The following IL2RB variants were observed in gnomAD, a reference collection of about 807,000 sequenced individuals.
IL2RB encodes interleukin-2 receptor subunit beta.
In IL2RB, 17 loss-of-function variants were observed where a neutral mutation model predicts 44.2. The observed-to-expected ratio is 0.38, with a 90% CI of 0.26 to 0.58. The LOEUF (loss-of-function observed/expected upper bound fraction) is 0.58, where lower values mean the gene tolerates loss of function less well. Among genes scored for constraint, IL2RB ranks in the 20% least tolerant of loss-of-function variants. IL2RB has a pLI of 0.63. For synonymous variants in IL2RB, 286 were observed against 297.9 expected (o/e 0.96, Z 0.41); for missense variants, 624 against 685.5 (o/e 0.91, Z 1.00).
intron 8 of IL2RB, among the ~76,000 whole-genome samples, chr22:37,134,937 C>T (rs772940927): frequency 6.6e-6 from 1 of 152,148 alleles, no homozygotes; most frequent in Non-Finnish European, 1.5e-5. Flanking sequence ...CTAGATGGAC[C>T]GGCGGGGACC....
At chr22:37,153,051 C>T (rs948774530), upstream of IL2RB, among the ~76,000 whole-genome samples, 2 of 150,890 alleles carry the variant, frequency 1.3e-5, no homozygotes, top group African/African-American at 4.9e-5. Context: ...TCTCCTGCCT[C>T]GGCTTCCCGA....
intron 8 of IL2RB, among the ~76,000 whole-genome samples, chr22:37,132,774 G>A (rs145808432): frequency 6.1e-4 from 93 of 152,326 alleles, no homozygotes; most frequent in African/African-American, 1.9e-3. Flanking sequence ...TACACAAGAC[G>A]GGGAGGTGGG....
intron 6 of IL2RB, 41 bp downstream of exon 6, chr22:37,137,546 A>AG: frequency 6.2e-7 from 1 of 1,608,150 alleles, no homozygotes; most frequent in African/African-American, 1.3e-5. Context: ...CAGGACAGGA[A>AG]GGAGGAACCA....
At chr22:37,153,003 C>T (rs1922554652), upstream of IL2RB, among the ~76,000 whole-genome samples, 1 of 137,608 alleles carries the variant, frequency 7.3e-6, no homozygotes, top group African/African-American at 2.7e-5. Context: ...GGCACAATCT[C>T]GGCTCACTGC....
intron 1 of IL2RB, among the ~76,000 whole-genome samples, chr22:37,144,519 C>T (rs565154667): frequency 5.3e-5 from 8 of 152,290 alleles, no homozygotes; most frequent in African/African-American, 1.9e-4. Flanking sequence ...TCGAGGCAGA[C>T]GAATCACCTG....
intron 8 of IL2RB, among the ~76,000 whole-genome samples, chr22:37,133,864 GTTCCTGGAAGTTTC>G (rs1176744004): frequency 6.6e-6 from 1 of 152,184 alleles, no homozygotes; most frequent in African/African-American, 2.4e-5. Flanking sequence ...CCTGCACTCT[GTTCCTGGAAGTTTC>G]TTCCCTCCTG....
intron 1 of IL2RB, among the ~76,000 whole-genome samples, chr22:37,163,722 A>G (rs576671159): frequency 2.6e-5 from 4 of 152,300 alleles, no homozygotes; most frequent in Admixed American, 2.6e-4. Flanking sequence ...CTGCTACCTG[A>G]GTGGAGCAGA....
chr22:37,128,083 C>A lies in IL2RB; in HGVS notation c.*13G>T. 1.3e-6 allele frequency: 2 copies of A among 1,512,968 alleles called. No individual in the cohort carries two copies. The highest frequency in any genetic ancestry group is 1.3e-5 in the South Asian group (1 of 74,274). 93.7% of individuals were successfully genotyped at this position (1,512,968 alleles called of 1,614,324 possible). ...GAGCAGGCAGCTGCCTGCCTCCCAC[C>A]CTGGCCATCTGTCTACACCAAGTGA... On this transcript the variant is annotated 3_prime_UTR_variant, in exon 10 of 10. Transcript: ENST00000216223. This position sits in a 1 kb window ranked among gnomAD's most constrained non-coding sequence, Gnocchi z 4.5.
intron 1 of IL2RB, among the ~76,000 whole-genome samples, chr22:37,166,546 C>T (rs1923085582): frequency 1.3e-5 from 2 of 152,216 alleles, no homozygotes. Flanking sequence ...CCCTGGGCTC[C>T]ACATCCACGA....
chr22:37,142,063 C>T lies in IL2RB; in HGVS notation c.282+371G>A, dbSNP rs549811208. Among the ~76,000 whole-genome samples, 23 of 152,298 alleles carry T rather than the reference C, an allele frequency of 1.5e-4. 1 individual carries two copies. In the South Asian group the frequency reaches 4.6e-3, roughly 30 times the overall value. Reference sequence around the variant, plus strand: ...GAGTCTACACCCTTCACCCCCCACACTGCACTGCACTGCCAAGCCCCCGGG... The same window carrying T: ...GAGTCTACACCCTTCACCCCCCACATTGCACTGCACTGCCAAGCCCCCGGG... On this transcript the variant is annotated intron_variant, in intron 4 of 9. Coordinates refer to ENST00000216223, the MANE Select transcript of IL2RB (RefSeq NM_000878.5).
At chr22:37,155,954 C>G (rs1375670130) in intron 1 of IL2RB, among the ~76,000 whole-genome samples, 1 of 152,182 alleles carries the variant, frequency 6.6e-6, no homozygotes, top group Non-Finnish European at 1.5e-5. Context: ...GGCCATGGGA[C>G]AAGGGCATAT....
At chr22:37,129,341 C>T (rs925938571) in intron 9 of IL2RB, among the ~76,000 whole-genome samples, 1 of 152,060 alleles carries the variant, frequency 6.6e-6, no homozygotes, top group Non-Finnish European at 1.5e-5. Context: ...GATCACAGAC[C>T]AGCAGGCGGC....
Position 37,125,996 on chromosome 22 carries a change from TG to T in IL2RB, c.*2099del, listed in dbSNP as rs925285527. ...AATATTAAGGAAATAATCACAAAGA[TG>T]GTACACACGGATCATTAAAAGATAC... On this transcript the variant is annotated 3_prime_UTR_variant, in exon 10 of 10. Transcript: ENST00000216223. 1 of 152,168 alleles carries T rather than the reference TG, an allele frequency of 6.6e-6. No homozygotes were observed. The highest frequency in any genetic ancestry group is 2.4e-5 in the African/African-American group (1 of 41,420). 9.4% of individuals were successfully genotyped at this position (152,168 alleles called of 1,614,324 possible). A position where few individuals can be genotyped will look rare whatever the true frequency, so the allele number is the denominator to read the frequency against.
In IL2RB at chr22:37,139,103, G is replaced by C; in HGVS notation, c.388+14C>G. 6.4e-7 allele frequency: 1 copy of C among 1,567,150 alleles called. No individual in the cohort carries two copies. The highest frequency in any genetic ancestry group is 8.8e-7 in the Non-Finnish European group (1 of 1,137,250). ...CCAGCCCTGCCCCAGCCCCACCCTG[G>C]CTTCCTCACTCACGGTTCTCAAAGG... On this transcript the variant is annotated intron_variant, in intron 5 of 9. Coordinates refer to ENST00000216223, the MANE Select transcript of IL2RB (RefSeq NM_000878.5).
upstream of IL2RB, among the ~76,000 whole-genome samples, chr22:37,153,343 G>A (rs1217242964): frequency 6.6e-6 from 1 of 152,224 alleles, no homozygotes; most frequent in African/African-American, 2.4e-5. Context: ...CAACTCCCAT[G>A]TGCAAAGCCC....
chr22:37,145,804 G>C (rs1010515730), intron 1 of IL2RB, among the ~76,000 whole-genome samples: 1 of 152,052 alleles, frequency 6.6e-6, no homozygotes, highest in Non-Finnish European at 1.5e-5. Context: ...CTTCCATCTC[G>C]AGAGCTTCCA....
At position 37,126,412 on chromosome 22, in the gene IL2RB, T is replaced by C. The variant is rs1921112733; in HGVS notation, c.*1684A>G. On this transcript the variant is annotated 3_prime_UTR_variant, in exon 10 of 10. Coordinates refer to ENST00000216223, the MANE Select transcript of IL2RB (RefSeq NM_000878.5). ...TGGGAACCCAAGGTCCTCTGCTTAG[T>C]GGCTCAACGCTTGTCTACCTTTCCA... The C allele has an allele frequency of 1.3e-5, 2 of 152,354 alleles. No individual in the cohort carries two copies. The highest frequency in any genetic ancestry group is 4.1e-4 in the South Asian group (2 of 4,822). 9.4% of individuals were successfully genotyped at this position (152,354 alleles called of 1,614,324 possible).
intron 1 of IL2RB, among the ~76,000 whole-genome samples, chr22:37,149,470 T>A (rs1338190859): frequency 6.6e-6 from 1 of 152,116 alleles, no homozygotes; most frequent in Non-Finnish European, 1.5e-5. Context: ...CCATATCCCG[T>A]ACCCTCTCCG....
chr22:37,135,240 G>A (rs1255577586), intron 8 of IL2RB, 88 bp downstream of exon 8: 1 of 846,076 alleles, frequency 1.2e-6, no homozygotes, highest in Non-Finnish European at 2.0e-6. Context: ...GTGTATGTGT[G>A]CTTGTGTGCG....
Sources: allele counts gnomAD v4.1 joint callset (sites outside exome capture counted in the v4.1 genomes callset), GRCh38; gene constraint gnomAD v4.1.1; non-coding constraint Gnocchi (gnomAD v3.1); transcripts MANE v1.5; gene names NCBI Gene and HGNC (gene_info 2026-07-23, HGNC 2026-07-21).